Variants in LRP1B observed in about 807,000 individuals in gnomAD.
The protein encoded by LRP1B is LDL receptor related protein 1B.
Under a neutral mutation model 556.6 loss-of-function variants are expected in LRP1B, and 217 were observed. The ratio of observed to expected loss-of-function variants is 0.39; its 90% CI spans 0.35 to 0.44. The LOEUF (loss-of-function observed/expected upper bound fraction) is 0.44. Among genes scored for constraint, LRP1B ranks in the 20% least tolerant of loss-of-function variants. The pLI, the probability that LRP1B is intolerant of heterozygous loss-of-function variation, is 1.00. For missense variants in LRP1B, 5,053 were observed against 5,620.8 expected (o/e 0.90, Z 3.23); for synonymous variants, 2,047 against 1,865.8 (o/e 1.10, Z -2.50).
intron 2 of LRP1B, among the ~76,000 whole-genome samples, chr2:141,646,019 A>G (rs1262580115): frequency 6.6e-6 from 1 of 152,144 alleles, no homozygotes; most frequent in Non-Finnish European, 1.5e-5. Context: ...TTCTGCCAGC[A>G]TTCTACATAC....
chr2:140,590,659 C>T (rs1682186099), intron 43 of LRP1B, among the ~76,000 whole-genome samples: 1 of 151,804 alleles, frequency 6.6e-6, no homozygotes, highest in African/African-American at 2.4e-5. Flanking sequence ...CATCCATAAG[C>T]CAGGAAAAGA....
At chr2:140,899,971 T>C (rs1573858557) in intron 23 of LRP1B, among the ~76,000 whole-genome samples, 1 of 151,330 alleles carries the variant, frequency 6.6e-6, no homozygotes, top group East Asian at 2.0e-4. Flanking sequence ...TATAATATTT[T>C]AAAACAAGAA....
At chr2:140,590,575 TCTCTCCC>T (rs1682181738) in intron 43 of LRP1B, among the ~76,000 whole-genome samples, 1 of 141,792 alleles carries the variant, frequency 7.1e-6, no homozygotes, top group Non-Finnish European at 1.6e-5. Context: ...TCTCTCTCTC[TCTCTCCC>T]CAGCCCCCAA....
At position 142,028,526 on chromosome 2, in the gene LRP1B, A is replaced by T. The variant is rs76437517; in HGVS notation, c.82+102122T>A. Reference sequence around the variant, plus strand: ...TAGACTACTCCTTTCTTTGCTGAGTAATATTCCAAACTATGGATGTACCAT... The same window carrying T: ...TAGACTACTCCTTTCTTTGCTGAGTTATATTCCAAACTATGGATGTACCAT... On this transcript the variant is annotated intron_variant, in intron 1 of 90. Transcript: ENST00000389484. Among the ~76,000 whole-genome samples, 88 of 152,084 alleles carry T rather than the reference A, an allele frequency of 5.8e-4. No homozygotes were observed. In the East Asian group the frequency reaches 0.017, roughly 29 times the overall value.
At chr2:141,828,601 T>C (rs1697011524) in intron 1 of LRP1B, among the ~76,000 whole-genome samples, 1 of 152,158 alleles carries the variant, frequency 6.6e-6, no homozygotes, top group Non-Finnish European at 1.5e-5. Flanking sequence ...CTATCTTTTC[T>C]GTCGTTTAAG....
At chr2:141,229,087 A>T in intron 6 of LRP1B, 96 bp downstream of exon 6, 1 of 1,232,034 alleles carries the variant, frequency 8.1e-7, no homozygotes, top group Non-Finnish European at 1.2e-6. Flanking sequence ...GCTTTCCAAC[A>T]GCCATGAGCT....
intron 2 of LRP1B, among the ~76,000 whole-genome samples, chr2:141,568,823 A>G (rs1427472064): frequency 6.6e-6 from 1 of 151,174 alleles, no homozygotes; most frequent in East Asian, 1.9e-4. Flanking sequence ...GCACGATCTC[A>G]GCTCACTGCA....
Position 141,470,991 on chromosome 2 carries a change from C to T in LRP1B, c.343+9405G>A, listed in dbSNP as rs188666221. On this transcript the variant is annotated intron_variant, in intron 3 of 90. Transcript: ENST00000389484. ...AAAAGGATTTTGCTTAATATGGCTC[C>T]TCATGTTGTCGATTTTGACTTTCAT... Among the ~76,000 whole-genome samples the T allele has an allele frequency of 3.5e-3, 532 of 152,162 alleles. 3 individuals are homozygous for T. The highest frequency in any genetic ancestry group is 0.012 in the African/African-American group (509 of 41,530).
chr2:141,350,804 C>T (rs1250731454), intron 3 of LRP1B, among the ~76,000 whole-genome samples: 3 of 151,972 alleles, frequency 2.0e-5, no homozygotes, highest in Non-Finnish European at 2.9e-5. Context: ...ATGTAATTTC[C>T]TTCCTCAAAA....
At chr2:140,831,581 AT>A (rs1691718219) in intron 31 of LRP1B, among the ~76,000 whole-genome samples, 1 of 152,156 alleles carries the variant, frequency 6.6e-6, no homozygotes, top group Admixed American at 6.6e-5. Flanking sequence ...GAAAGAAAAC[AT>A]TTGGGCAACA....
chr2:141,149,516 G>C (rs1701868686), intron 7 of LRP1B, among the ~76,000 whole-genome samples: 2 of 152,112 alleles, frequency 1.3e-5, no homozygotes, highest in South Asian at 4.1e-4. Context: ...AGCATAAACA[G>C]CTTTCTCTTG....
chr2:141,772,112 C>T (rs963081755), intron 2 of LRP1B, among the ~76,000 whole-genome samples: 1 of 152,036 alleles, frequency 6.6e-6, no homozygotes, highest in African/African-American at 2.4e-5. Flanking sequence ...GGCCGATGAT[C>T]TCTCTTTCTA....
chr2:140,557,880 G>C (rs529808619), intron 43 of LRP1B, among the ~76,000 whole-genome samples: 1 of 152,016 alleles, frequency 6.6e-6, no homozygotes, highest in African/African-American at 2.4e-5. Context: ...TAGGTTTATG[G>C]CTTATTATCT....
intron 84 of LRP1B, among the ~76,000 whole-genome samples, chr2:140,285,207 C>A (rs185748511): frequency 6.7e-6 from 1 of 149,372 alleles, no homozygotes; most frequent in African/African-American, 2.5e-5. Context: ...ATATGGATAT[C>A]TATGGATAGA....
At chr2:141,604,640 A>T (rs1372259139) in intron 2 of LRP1B, among the ~76,000 whole-genome samples, 1 of 152,038 alleles carries the variant, frequency 6.6e-6, no homozygotes, top group South Asian at 2.1e-4. Flanking sequence ...TGTCATGCCC[A>T]CTTTTGAGTG....
chr2:140,646,473 T>G (rs1242174403), intron 41 of LRP1B, among the ~76,000 whole-genome samples: 1 of 152,198 alleles, frequency 6.6e-6, no homozygotes, highest in African/African-American at 2.4e-5. Flanking sequence ...GGGAGTTAAA[T>G]GACTTTTCTA....
At chr2:141,269,575 A>C (rs1685011070) in intron 3 of LRP1B, among the ~76,000 whole-genome samples, 1 of 152,206 alleles carries the variant, frequency 6.6e-6, no homozygotes, top group African/African-American at 2.4e-5. Flanking sequence ...TCTAAGGGGT[A>C]CATCAGGGAC....
chr2:141,635,673 G>T (rs1246015396), intron 2 of LRP1B, among the ~76,000 whole-genome samples: 1 of 152,186 alleles, frequency 6.6e-6, no homozygotes, highest in Non-Finnish European at 1.5e-5. Flanking sequence ...TAGCCTTGTA[G>T]AGTAACATTT....
At chr2:141,381,089 T>C (rs1373707146) in intron 3 of LRP1B, among the ~76,000 whole-genome samples, 1 of 151,984 alleles carries the variant, frequency 6.6e-6, no homozygotes, top group African/African-American at 2.4e-5. Context: ...AAGCTGACCC[T>C]GATGAAATGA....
Sources: gnomAD v4.1 joint callset for allele counts (sites outside exome capture counted in the v4.1 genomes callset) on GRCh38, gnomAD v4.1.1 for gene constraint, MANE v1.5 for transcripts, NCBI Gene and HGNC (gene_info 2026-07-23, HGNC 2026-07-21) for gene names.